The following PARD3B variants were observed in gnomAD, a reference collection of about 807,000 sequenced individuals.
PARD3B encodes the protein par-3 family cell polarity regulator beta.
In PARD3B, 103 loss-of-function variants were observed where a neutral mutation model predicts 130.2. That is an observed-to-expected ratio of 0.79 (90% CI 0.67 to 0.93). The LOEUF (loss-of-function observed/expected upper bound fraction) is 0.93, where lower values mean the gene tolerates loss of function less well. Ranked by LOEUF, PARD3B falls within the 40% of genes least tolerant of loss-of-function variation. The pLI, the probability that PARD3B is intolerant of heterozygous loss-of-function variation, is 0.00. For synonymous variants in PARD3B, 583 were observed against 553.2 expected (o/e 1.05, Z -0.76); for missense variants, 1,609 against 1,499.2 (o/e 1.07, Z -1.21).
At position 205,473,544 on chromosome 2, in the gene PARD3B, G is replaced by A. The variant is rs1283939522; in HGVS notation, c.3045-26352G>A. ...AGGGCACGTTTCACTCATTAATATG[G>A]GTGATATCTTACATTGTTGGAAAGA... On this transcript the variant is annotated intron_variant, in intron 20 of 22. Coordinates refer to ENST00000406610, the MANE Select transcript of PARD3B (RefSeq NM_001302769.2). This position sits in a 1 kb window ranked among gnomAD's most constrained non-coding sequence, Gnocchi z 4.9. 1.3e-5 allele frequency among the ~76,000 whole-genome samples: 2 copies of A among 151,254 alleles called. No individual in the cohort carries two copies. The highest frequency in any genetic ancestry group is 4.9e-5 in the African/African-American group (2 of 41,226).
rs191455589 is a variant in PARD3B at position 205,369,737 on chromosome 2, T to G, written c.2631-31276T>G. Among the ~76,000 whole-genome samples, 561 of 152,300 alleles carry G rather than the reference T, an allele frequency of 3.7e-3. 6 individuals are homozygous for G. Among genetic ancestry groups the G allele is most frequent in the Non-Finnish European group, 2.0e-3 (138 of 68,024 alleles). ...GATAATCACAGTGTAATTACTTGTTTGTATGACTTTTTCCAAGTGGGACAA... is the reference window on the plus strand; with the variant it reads ...GATAATCACAGTGTAATTACTTGTTGGTATGACTTTTTCCAAGTGGGACAA... On this transcript the variant is annotated intron_variant, in intron 18 of 22. Transcript: ENST00000406610.
intron 2 of PARD3B, among the ~76,000 whole-genome samples, chr2:204,939,530 A>G (rs576606612): frequency 1.3e-5 from 2 of 152,322 alleles, no homozygotes; most frequent in African/African-American, 4.8e-5. Context: ...TGAAGACATT[A>G]TGCTGTAAAA....
chr2:205,280,681 T>C lies in PARD3B; in HGVS notation c.2186-19849T>C, dbSNP rs1453923778. Among the ~76,000 whole-genome samples the C allele has an allele frequency of 6.6e-6, 1 of 152,226 alleles. No homozygotes were observed. The highest frequency in any genetic ancestry group is 2.4e-5 in the African/African-American group (1 of 41,460). On this transcript the variant is annotated intron_variant, in intron 16 of 22. Coordinates refer to ENST00000406610, the MANE Select transcript of PARD3B (RefSeq NM_001302769.2). This position sits in a 1 kb window ranked among gnomAD's most constrained non-coding sequence, Gnocchi z 4.7. The stretch of plus-strand genomic sequence containing the variant: ...ATCTACAAGTGGTTCCTTGATAAAG[T>C]TAACACTTAGTTAATTACCCAGAGC...
chr2:204,883,630 G>A (rs1430044238), intron 2 of PARD3B, among the ~76,000 whole-genome samples: 1 of 150,822 alleles, frequency 6.6e-6, no homozygotes, highest in Admixed American at 6.6e-5. Flanking sequence ...ATTTTTAGTA[G>A]AGACAGGGTT....
chr2:205,218,729 A>G (rs1036380568), intron 15 of PARD3B, among the ~76,000 whole-genome samples: 1 of 152,048 alleles, frequency 6.6e-6, no homozygotes, highest in Non-Finnish European at 1.5e-5. Context: ...TCCCTTTATT[A>G]TTTGCCTCTG....
chr2:204,740,667 A>C (rs1009605480), intron 2 of PARD3B, among the ~76,000 whole-genome samples: 5 of 152,146 alleles, frequency 3.3e-5, no homozygotes, highest in Non-Finnish European at 5.9e-5. Context: ...TGAGATGACT[A>C]AAAGGCTGAG....
Position 204,965,638 on chromosome 2 carries a change from T to C in PARD3B, c.394+315T>C, listed in dbSNP as rs12694013. 2.0e-3 allele frequency among the ~76,000 whole-genome samples: 303 copies of C among 152,292 alleles called. 2 individuals are homozygous for C. Among genetic ancestry groups the C allele is most frequent in the African/African-American group, 7.0e-3 (293 of 41,572 alleles). On this transcript the variant is annotated intron_variant, in intron 3 of 22. Coordinates refer to ENST00000406610, the MANE Select transcript of PARD3B (RefSeq NM_001302769.2). The stretch of plus-strand genomic sequence containing the variant: ...TTAAAAAATTCCTGAAAAAAACTCA[T>C]TTGGGAAAAGCCAAGGTTTATCAAA...
At chr2:205,023,760 G>A (rs2125339753) in intron 3 of PARD3B, among the ~76,000 whole-genome samples, 1 of 152,040 alleles carries the variant, frequency 6.6e-6, no homozygotes, top group Non-Finnish European at 1.5e-5. Context: ...TCTTTTAAAG[G>A]ATGCATGGAT....
At position 205,593,837 on chromosome 2, in the gene PARD3B, G is replaced by C. The variant is rs2054477307; in HGVS notation, c.3261-21619G>C. On this transcript the variant is annotated intron_variant, in intron 22 of 22. Coordinates refer to ENST00000406610, the MANE Select transcript of PARD3B (RefSeq NM_001302769.2). ...TCTGATCCAGAAATCCCGTTAGGCA[G>C]AGCAAGTTCCCCTTCCTAATTGTAG... Among the ~76,000 whole-genome samples, 5 of 152,184 alleles carry C rather than the reference G, an allele frequency of 3.3e-5. No homozygotes were observed. In the South Asian group the frequency reaches 1.0e-3, roughly 32 times the overall value.
chr2:205,175,766 C>T lies in PARD3B; in HGVS notation c.1792-679C>T, dbSNP rs538011383. 8.5e-5 allele frequency among the ~76,000 whole-genome samples: 13 copies of T among 152,352 alleles called. No homozygotes were observed. The East Asian group carries it at 2.3e-3, about 27-fold the overall frequency. On this transcript the variant is annotated intron_variant, in intron 12 of 22. Coordinates refer to ENST00000406610, the MANE Select transcript of PARD3B (RefSeq NM_001302769.2). The stretch of plus-strand genomic sequence containing the variant: ...TAGTTAAGAGTTCTCTATCATCAGC[C>T]TCCTCCAATAATTCCTTCTTCAGCA...
intron 2 of PARD3B, among the ~76,000 whole-genome samples, chr2:204,914,935 T>C (rs1243309717): frequency 3.9e-5 from 6 of 152,122 alleles, no homozygotes; most frequent in African/African-American, 1.2e-4. Context: ...AAGGGAGTCA[T>C]TGGGCTGGGT....
At chr2:205,113,851 A>G (rs1249513000) in intron 6 of PARD3B, among the ~76,000 whole-genome samples, 4 of 152,156 alleles carry the variant, frequency 2.6e-5, no homozygotes, top group Non-Finnish European at 5.9e-5. Context: ...CACATAGTAA[A>G]CAGAATCCTT....
intron 20 of PARD3B, among the ~76,000 whole-genome samples, chr2:205,445,264 A>C (rs2106176012): frequency 6.6e-6 from 1 of 152,248 alleles, no homozygotes; most frequent in South Asian, 2.1e-4. Flanking sequence ...TATGATATAG[A>C]CCCACACTCT....
chr2:205,563,191 G>A lies in PARD3B; in HGVS notation c.3260+9788G>A, dbSNP rs373317600. Among the ~76,000 whole-genome samples, 6 of 152,262 alleles carry A rather than the reference G, an allele frequency of 3.9e-5. 1 individual carries two copies. The highest frequency in any genetic ancestry group is 1.4e-4 in the African/African-American group (6 of 41,558). ...AGATCTGCATGCAAATTGTTTCAAA[G>A]ATGTCATGTTTATTCCTAAACTAGT... On this transcript the variant is annotated intron_variant, in intron 22 of 22. Coordinates refer to ENST00000406610, the MANE Select transcript of PARD3B (RefSeq NM_001302769.2). The surrounding 1 kb of genome is among the most constrained non-coding windows in gnomAD (Gnocchi z 4.2).
chr2:204,816,787 A>C (rs1301833242), intron 2 of PARD3B, among the ~76,000 whole-genome samples: 1 of 151,930 alleles, frequency 6.6e-6, no homozygotes, highest in African/African-American at 2.4e-5. Flanking sequence ...TTATAGTTTT[A>C]ATAAAATTTA....
At chr2:205,137,558 A>G (rs1376144279) in intron 10 of PARD3B, among the ~76,000 whole-genome samples, 1 of 152,240 alleles carries the variant, frequency 6.6e-6, no homozygotes, top group Non-Finnish European at 1.5e-5. Flanking sequence ...TATTTAACTT[A>G]ACTACCCACC....
chr2:204,688,240 A>T (rs2125247413), intron 2 of PARD3B, among the ~76,000 whole-genome samples: 1 of 152,278 alleles, frequency 6.6e-6, no homozygotes, highest in Middle Eastern at 3.4e-3. Context: ...ATGACAATTT[A>T]TACTTTTGAT....
chr2:204,843,800 A>G (rs1046247699), intron 2 of PARD3B, among the ~76,000 whole-genome samples: 2 of 152,134 alleles, frequency 1.3e-5, no homozygotes, highest in Non-Finnish European at 2.9e-5. Context: ...ATACTTTTGT[A>G]CTTGTTCTCA....
At chr2:205,042,764 C>T (rs1698480539) in intron 3 of PARD3B, among the ~76,000 whole-genome samples, 1 of 151,406 alleles carries the variant, frequency 6.6e-6, no homozygotes, top group Admixed American at 6.6e-5. Context: ...TCCACATTTC[C>T]TTTTCTGAAA....
Sources: gnomAD v4.1 joint callset for allele counts (sites outside exome capture counted in the v4.1 genomes callset) on GRCh38, gnomAD v4.1.1 for gene constraint, Gnocchi (gnomAD v3.1) non-coding constraint, MANE v1.5 for transcripts, NCBI Gene and HGNC (gene_info 2026-07-23, HGNC 2026-07-21) for gene names.